The following PHKA2 variants were observed in gnomAD, a reference collection of about 807,000 sequenced individuals.
PHKA2 encodes phosphorylase kinase regulatory subunit alpha 2, also known as phosphorylase b kinase regulatory subunit alpha, liver isoform.
Under a neutral mutation model 102.0 loss-of-function variants are expected in PHKA2, and 31 were observed. The ratio of observed to expected loss-of-function variants is 0.30; its 90% CI spans 0.23 to 0.41. The LOEUF (loss-of-function observed/expected upper bound fraction) is 0.41. Among genes scored for constraint, PHKA2 ranks in the 10% least tolerant of loss-of-function variants. The probability of loss-of-function intolerance (pLI) is 1.00; values close to 1 mark genes in which losing one functional copy is unlikely to be tolerated. For synonymous variants in PHKA2, 455 were observed against 416.2 expected (o/e 1.09, Z -1.13); for missense variants, 858 against 1,023.1 (o/e 0.84, Z 2.20).
At chrX:18,898,445 CTT>C (rs896906494) in intron 29 of PHKA2, among the ~76,000 whole-genome samples, 11 of 113,173 alleles carry the variant, frequency 9.7e-5, no homozygotes, top group Admixed American at 1.9e-4. Flanking sequence ...TCACACATCT[CTT>C]TGCCTGGGAC....
chrX:18,935,564 C>G (rs1173120386), intron 11 of PHKA2, among the ~76,000 whole-genome samples: 1 of 110,633 alleles, frequency 9.0e-6, no homozygotes, highest in Non-Finnish European at 1.9e-5. Context: ...ACATATTTTT[C>G]CAAAGTCATG....
chrX:18,914,248 A>G (rs940858034), intron 19 of PHKA2, among the ~76,000 whole-genome samples: 2 of 112,439 alleles, frequency 1.8e-5, no homozygotes, highest in African/African-American at 6.5e-5. Flanking sequence ...GCGGTCTGCC[A>G]TTGACCAAAA....
Position 18,897,110 on chromosome X carries a change from C to T in PHKA2, c.3282+53G>A, listed in dbSNP as rs191910538. The T allele has an allele frequency of 4.2e-6, 5 of 1,181,814 alleles. No homozygotes were observed. The African/African-American group carries it at 8.8e-5, about 21-fold the overall frequency. Reference sequence around the variant, plus strand: ...CGCCTGGAGGTGCCACCATGCCTTGCCAGGACAGTAAGGGGACGGTTCACT... The same window carrying T: ...CGCCTGGAGGTGCCACCATGCCTTGTCAGGACAGTAAGGGGACGGTTCACT... On this transcript the variant is annotated intron_variant, in intron 30 of 32. Coordinates refer to ENST00000379942, the MANE Select transcript of PHKA2 (RefSeq NM_000292.3).
intron 19 of PHKA2, among the ~76,000 whole-genome samples, chrX:18,914,088 C>T (rs1601721419): frequency 8.9e-6 from 1 of 112,639 alleles, no homozygotes; most frequent in Non-Finnish European, 1.9e-5. Flanking sequence ...GACCTGTACA[C>T]GACTGGCAGC....
At chrX:18,944,474 G>A (rs1201900052) in intron 6 of PHKA2, among the ~76,000 whole-genome samples, 1 of 111,937 alleles carries the variant, frequency 8.9e-6, no homozygotes, top group Non-Finnish European at 1.9e-5. Context: ...CATTCTGGAG[G>A]AGGGAGGGAA....
In PHKA2 at chrX:18,893,321, A is replaced by G. The variant is rs2047460781; in HGVS notation, c.*164T>C. On this transcript the variant is annotated 3_prime_UTR_variant, in exon 33 of 33. Transcript: ENST00000379942. ...CCTCAGCTCTATCTCTGTGGCTTTAACATACATCAGTTTCAGGGTGAGTGC... is the reference window on the plus strand; with the variant it reads ...CCTCAGCTCTATCTCTGTGGCTTTAGCATACATCAGTTTCAGGGTGAGTGC... The G allele has an allele frequency of 1.3e-5, 7 of 538,335 alleles. No individual in the cohort carries two copies. The highest frequency in any genetic ancestry group is 2.3e-5 in the Non-Finnish European group (7 of 309,369). 44.4% of individuals were successfully genotyped at this position (538,335 alleles called of 1,213,427 possible). A position where few individuals can be genotyped will look rare whatever the true frequency, so the allele number is the denominator to read the frequency against.
At chrX:18,950,373 T>C (rs375456128) in intron 4 of PHKA2, among the ~76,000 whole-genome samples, 8 of 111,821 alleles carry the variant, frequency 7.2e-5, no homozygotes, top group African/African-American at 1.6e-4. Context: ...AGGGGTGAGA[T>C]GGTCTGCAGA....
chrX:18,919,791 A>T (rs1157666404), intron 18 of PHKA2, among the ~76,000 whole-genome samples: 1 of 110,300 alleles, frequency 9.1e-6, no homozygotes, highest in Non-Finnish European at 1.9e-5. Flanking sequence ...CCCATTCCTG[A>T]AACTCTTTGT....
intron 1 of PHKA2, among the ~76,000 whole-genome samples, chrX:18,978,300 C>T (rs747686567): frequency 6.6e-4 from 74 of 111,997 alleles, no homozygotes; most frequent in Non-Finnish European, 1.2e-3. Flanking sequence ...TTATTTGCAT[C>T]TTATTTTGTA....
chrX:18,927,168 C>T (rs993026385), intron 13 of PHKA2, among the ~76,000 whole-genome samples: 2 of 111,682 alleles, frequency 1.8e-5, no homozygotes, highest in Admixed American at 9.4e-5. Context: ...AGGGCCCCAC[C>T]GGTGGGGAAA....
chrX:18,957,177 TACAGGCAAGAGCC>T (rs2048789947), intron 1 of PHKA2, among the ~76,000 whole-genome samples: 1 of 112,807 alleles, frequency 8.9e-6, no homozygotes, highest in Non-Finnish European at 1.9e-5. Context: ...GTGCTGGGAT[TACAGGCAAGAGCC>T]ACCGCACCCA....
chrX:18,914,682 A>G (rs2047990104), intron 19 of PHKA2, among the ~76,000 whole-genome samples: 2 of 112,356 alleles, frequency 1.8e-5, no homozygotes, highest in Non-Finnish European at 3.8e-5. Context: ...GGGCTCGAAG[A>G]GAGAGGGGCT....
intron 20 of PHKA2, 32 bp from the exon 21 acceptor site, chrX:18,908,966 T>C: frequency 1.7e-6 from 2 of 1,209,847 alleles, no homozygotes; most frequent in African/African-American, 3.5e-5. Context: ...AGCAGGGAGA[T>C]GGGCTAGGCA....
chrX:18,969,263 T>C (rs1306812067), intron 1 of PHKA2, among the ~76,000 whole-genome samples: 1 of 111,677 alleles, frequency 9.0e-6, no homozygotes, highest in African/African-American at 3.3e-5. Context: ...AATGCCCAAG[T>C]CTGAATGACC....
At chrX:18,894,871 C>G in intron 31 of PHKA2, 1 of 424,671 alleles carries the variant, frequency 2.4e-6, no homozygotes, top group Non-Finnish European at 4.1e-6. Context: ...CTTTCTTTCA[C>G]CAGGGTTCTA....
At chrX:18,940,381 A>G (rs950703533) in intron 8 of PHKA2, among the ~76,000 whole-genome samples, 6 of 111,753 alleles carry the variant, frequency 5.4e-5, no homozygotes, top group African/African-American at 2.0e-4. Context: ...AAAGCCACCA[A>G]GGCAGATACT....
chrX:18,906,358 G>T, intron 25 of PHKA2, 137 bp downstream of exon 25: 1 of 748,498 alleles, frequency 1.3e-6, no homozygotes, highest in Non-Finnish European at 2.1e-6. Flanking sequence ...GAGAGAAGCT[G>T]GTAAGGCCTG....
At chrX:18,913,597 G>C (rs1030627801) in intron 19 of PHKA2, among the ~76,000 whole-genome samples, 1 of 109,686 alleles carries the variant, frequency 9.1e-6, no homozygotes, top group Non-Finnish European at 1.9e-5. Flanking sequence ...GTAGAGACAG[G>C]GTTTCACCAT....
intron 19 of PHKA2, among the ~76,000 whole-genome samples, chrX:18,916,037 T>C (rs2048014835): frequency 9.0e-6 from 1 of 111,712 alleles, no homozygotes; most frequent in Non-Finnish European, 1.9e-5. Flanking sequence ...GAGATTAAGG[T>C]GCAGCACTGA....
Sources: gnomAD v4.1 joint callset for allele counts (sites outside exome capture counted in the v4.1 genomes callset) on GRCh38, gnomAD v4.1.1 for gene constraint, MANE v1.5 for transcripts, NCBI Gene and HGNC (gene_info 2026-07-23, HGNC 2026-07-21) for gene names.